The following PTPRQ variants were observed in gnomAD, a reference collection of about 807,000 sequenced individuals.
PTPRQ encodes phosphatidylinositol phosphatase PTPRQ.
A neutral mutation model predicts 246.0 loss-of-function variants in PTPRQ; 199 were observed. The observed-to-expected ratio is 0.81, with a 90% CI of 0.72 to 0.91. The LOEUF (loss-of-function observed/expected upper bound fraction) is 0.91, where lower values mean the gene tolerates loss of function less well. Among genes scored for constraint, PTPRQ ranks in the 40% least tolerant of loss-of-function variants. The pLI, the probability that PTPRQ is intolerant of heterozygous loss-of-function variation, is 0.00. For missense variants in PTPRQ, 2,624 were observed against 2,528.4 expected (o/e 1.04, Z -0.81); for synonymous variants, 869 against 853.2 (o/e 1.02, Z -0.32).
intron 14 of PTPRQ, among the ~76,000 whole-genome samples, chr12:80,500,820 A>ATTGT (rs1894776703): frequency 6.6e-6 from 1 of 152,006 alleles, no homozygotes; most frequent in Non-Finnish European, 1.5e-5. Flanking sequence ...TTGACACTAG[A>ATTGT]CAATCAGAAA....
chr12:80,517,370 A>C (rs1895337041), intron 17 of PTPRQ, among the ~76,000 whole-genome samples: 1 of 152,098 alleles, frequency 6.6e-6, no homozygotes, highest in Non-Finnish European at 1.5e-5. Flanking sequence ...ATCTGAAAGA[A>C]AATTTTGTAG....
At chr12:80,532,452 C>G (rs1251092208) in intron 17 of PTPRQ, among the ~76,000 whole-genome samples, 2 of 152,064 alleles carry the variant, frequency 1.3e-5, no homozygotes, top group East Asian at 1.9e-4. Flanking sequence ...AACTCCTGGT[C>G]TCAAGTGATC....
intron 16 of PTPRQ, among the ~76,000 whole-genome samples, chr12:80,509,022 T>A (rs544748875): frequency 6.6e-6 from 1 of 152,176 alleles, no homozygotes; most frequent in South Asian, 2.1e-4. Flanking sequence ...TTTATAGGTA[T>A]TTGCTTTGAC....
chr12:80,451,211 G>T (rs1173693560), intron 3 of PTPRQ, among the ~76,000 whole-genome samples: 1 of 150,798 alleles, frequency 6.6e-6, no homozygotes, highest in Non-Finnish European at 1.5e-5. Flanking sequence ...ATTTCTGTGG[G>T]ATCAGTGGTA....
chr12:80,521,520 AT>A (rs1895486151), intron 17 of PTPRQ, among the ~76,000 whole-genome samples: 1 of 152,164 alleles, frequency 6.6e-6, no homozygotes, highest in African/African-American at 2.4e-5. Flanking sequence ...TCTTTAATCC[AT>A]CTTGAATTAA....
intron 35 of PTPRQ, among the ~76,000 whole-genome samples, chr12:80,639,310 C>T (rs1899771752): frequency 6.6e-6 from 1 of 152,164 alleles, no homozygotes; most frequent in Non-Finnish European, 1.5e-5. Flanking sequence ...CTTATGCCGA[C>T]TAAATCAGAA....
chr12:80,606,662 C>T (rs564023419), intron 27 of PTPRQ, among the ~76,000 whole-genome samples: 70 of 150,966 alleles, frequency 4.6e-4, no homozygotes, highest in Non-Finnish European at 7.4e-4. Flanking sequence ...TTTATTATGT[C>T]TTTGTAGTAT....
intron 14 of PTPRQ, among the ~76,000 whole-genome samples, chr12:80,500,401 G>A (rs1894761538): frequency 6.6e-6 from 1 of 152,074 alleles, no homozygotes; most frequent in East Asian, 1.9e-4. Context: ...TGATGATCCA[G>A]CACTAGTTAT....
At chr12:80,462,240 C>A (rs1470473636) in intron 6 of PTPRQ, among the ~76,000 whole-genome samples, 2 of 152,198 alleles carry the variant, frequency 1.3e-5, no homozygotes, top group African/African-American at 4.8e-5. Flanking sequence ...GGGGTCCTAC[C>A]CCCACGGAGT....
At chr12:80,519,651 TA>T (rs1895411225) in intron 17 of PTPRQ, among the ~76,000 whole-genome samples, 2 of 152,156 alleles carry the variant, frequency 1.3e-5, no homozygotes, top group South Asian at 4.1e-4. Flanking sequence ...GACACATGTG[TA>T]TTGAACAAAC....
intron 44 of PTPRQ, 69 bp from the exon 45 acceptor site, chr12:80,678,917 T>A (rs1901231705): frequency 2.7e-6 from 4 of 1,487,730 alleles, no homozygotes; most frequent in Middle Eastern, 1.8e-4. Context: ...TATATTTTTA[T>A]CATGAAACAT....
Position 80,510,310 on chromosome 12 carries a change from C to T in PTPRQ, c.2558-13C>T, listed in dbSNP as rs1895085716. 1 of 1,533,700 alleles carries T rather than the reference C, an allele frequency of 6.5e-7. No homozygotes were observed. On this transcript the variant is annotated splice_polypyrimidine_tract_variant and intron_variant, in intron 16 of 44. Transcript: ENST00000644991. The stretch of plus-strand genomic sequence containing the variant: ...TTTAATAAAACACATTATTCTATAC[C>T]CTAACTTTACAGCTCCTGATTCTCC...
At chr12:80,558,231 G>A (rs1425402878) in intron 25 of PTPRQ, among the ~76,000 whole-genome samples, 4 of 148,328 alleles carry the variant, frequency 2.7e-5, no homozygotes, top group Admixed American at 6.8e-5. Flanking sequence ...GCAGTGGTGC[G>A]ATCTCGACTC....
At position 80,549,585 on chromosome 12, in the gene PTPRQ, G is replaced by A; in HGVS notation, c.4136G>A (p.Arg1379Lys). 6.4e-7 allele frequency: 1 copy of A among 1,551,184 alleles called. No individual in the cohort carries two copies. The highest frequency in any genetic ancestry group is 8.7e-7 in the Non-Finnish European group (1 of 1,146,616). ...IITQYMVTVE[R>K]NSTKVSPQDH... Reference sequence around the variant, plus strand: ...ACGCAGTATATGGTAACAGTTGAAAGGAATTCTACAAAAGTTTCTCCCCAA... The same window carrying A: ...ACGCAGTATATGGTAACAGTTGAAAAGAATTCTACAAAAGTTTCTCCCCAA... Residue 1379 changes from arginine (R) to lysine (K), a missense_variant, in exon 25 of 45, where the codon AGG becomes AAG. Coordinates refer to ENST00000644991, the MANE Select transcript of PTPRQ (RefSeq NM_001145026.2).
intron 33 of PTPRQ, among the ~76,000 whole-genome samples, chr12:80,624,389 CCAGGG>C (rs1899116739): frequency 6.6e-6 from 1 of 152,176 alleles, no homozygotes; most frequent in Non-Finnish European, 1.5e-5. Context: ...GAGTGATCTT[CCAGGG>C]ACTCTCTCCT....
intron 33 of PTPRQ, among the ~76,000 whole-genome samples, chr12:80,628,038 G>T (rs1392485039): frequency 3.3e-5 from 5 of 151,920 alleles, no homozygotes; most frequent in Non-Finnish European, 7.4e-5. Flanking sequence ...TTTTTTGTGT[G>T]GTCTATGAGA....
chr12:80,513,381 G>T (rs1273041427), intron 17 of PTPRQ, among the ~76,000 whole-genome samples: 1 of 152,098 alleles, frequency 6.6e-6, no homozygotes, highest in Non-Finnish European at 1.5e-5. Context: ...GCTGGCCTGC[G>T]GCGTCTGTCA....
chr12:80,457,522 C>A (rs1893017035), intron 3 of PTPRQ, 53 bp from the exon 4 acceptor site: 1 of 399,742 alleles, frequency 2.5e-6, no homozygotes, highest in African/African-American at 2.1e-5. Context: ...ATTTTAGATT[C>A]TCTTTTTTCA....
intron 30 of PTPRQ, 97 bp downstream of exon 30, chr12:80,616,363 G>C: frequency 8.5e-7 from 1 of 1,178,614 alleles, no homozygotes; most frequent in Non-Finnish European, 1.1e-6. Flanking sequence ...GCCTTTAAGT[G>C]ATAAATATGC....
Sources: gnomAD v4.1 joint callset for allele counts (sites outside exome capture counted in the v4.1 genomes callset) on GRCh38, gnomAD v4.1.1 for gene constraint, MANE v1.5 for transcripts, NCBI Gene and HGNC (gene_info 2026-07-23, HGNC 2026-07-21) for gene names.